The following ENTHD1 variants were observed in gnomAD, a reference collection of about 807,000 sequenced individuals.
The protein encoded by ENTHD1 is ENTH domain-containing protein 1.
Under a neutral mutation model 39.1 loss-of-function variants are expected in ENTHD1, and 23 were observed. The observed-to-expected ratio is 0.59, with a 90% CI of 0.42 to 0.83. The LOEUF (loss-of-function observed/expected upper bound fraction) is 0.83. Ranked by LOEUF, ENTHD1 falls within the 40% of genes least tolerant of loss-of-function variation. The pLI is 0.00. For missense variants in ENTHD1, 624 were observed against 705.4 expected (o/e 0.88, Z 1.31); for synonymous variants, 230 against 258.2 (o/e 0.89, Z 1.05).
At chr22:39,835,658 A>G (rs1287956998) in intron 4 of ENTHD1, among the ~76,000 whole-genome samples, 182 bp downstream of exon 4, 1 of 152,186 alleles carries the variant, frequency 6.6e-6, no homozygotes, top group Non-Finnish European at 1.5e-5. Context: ...AAAAACCCAA[A>G]ACATAAAAAC....
At chr22:39,756,259 A>G (rs2065183186) in intron 6 of ENTHD1, among the ~76,000 whole-genome samples, 1 of 151,812 alleles carries the variant, frequency 6.6e-6, no homozygotes, top group South Asian at 2.1e-4. Flanking sequence ...AGAATTTGTT[A>G]AATGTTGTTA....
chr22:39,850,040 G>A (rs569251726), intron 3 of ENTHD1, among the ~76,000 whole-genome samples: 2 of 151,858 alleles, frequency 1.3e-5, no homozygotes, highest in Non-Finnish European at 1.5e-5. Context: ...ATGGTATTTT[G>A]GTAAGAAAAC....
intron 3 of ENTHD1, 73 bp from the exon 4 acceptor site, chr22:39,836,031 G>A: frequency 2.6e-6 from 3 of 1,141,966 alleles, no homozygotes; most frequent in Middle Eastern, 2.0e-4. Flanking sequence ...TTCCCAATTT[G>A]TAAGTTAATC....
intron 6 of ENTHD1, among the ~76,000 whole-genome samples, chr22:39,745,928 T>C (rs2065101163): frequency 6.6e-6 from 1 of 152,118 alleles, no homozygotes; most frequent in Non-Finnish European, 1.5e-5. Context: ...ATGTAACCTG[T>C]TTTATCTCTG....
At chr22:39,782,229 A>G (rs1321968647) in intron 5 of ENTHD1, among the ~76,000 whole-genome samples, 1 of 152,080 alleles carries the variant, frequency 6.6e-6, no homozygotes, top group Non-Finnish European at 1.5e-5. Context: ...AAAAGTTGCA[A>G]TGGGCTGAGA....
intron 3 of ENTHD1, among the ~76,000 whole-genome samples, chr22:39,848,228 T>G (rs1267950535): frequency 2.6e-5 from 4 of 152,098 alleles, no homozygotes; most frequent in Non-Finnish European, 5.9e-5. Flanking sequence ...TAGAGAAAAC[T>G]CTCTGCTTTT....
chr22:39,846,679 C>T (rs1292733237), intron 3 of ENTHD1, among the ~76,000 whole-genome samples: 2 of 152,028 alleles, frequency 1.3e-5, no homozygotes, highest in African/African-American at 4.8e-5. Flanking sequence ...CTACAATGAA[C>T]TCAAACAAAT....
chr22:39,849,013 T>C (rs1050379649), intron 3 of ENTHD1, among the ~76,000 whole-genome samples: 5 of 152,190 alleles, frequency 3.3e-5, no homozygotes, highest in African/African-American at 9.7e-5. Flanking sequence ...ACTGATTCCA[T>C]AGTGGCCCAG....
At chr22:39,746,485 T>G (rs996114640) in intron 6 of ENTHD1, among the ~76,000 whole-genome samples, 2 of 152,206 alleles carry the variant, frequency 1.3e-5, no homozygotes, top group African/African-American at 2.4e-5. Context: ...TGTTTTATAT[T>G]AGAAGTTTTC....
chr22:39,883,200 G>A (rs2066353839), intron 2 of ENTHD1, among the ~76,000 whole-genome samples: 1 of 151,332 alleles, frequency 6.6e-6, no homozygotes, highest in African/African-American at 2.4e-5. Flanking sequence ...TGACATTTCA[G>A]TTCTAACTTG....
At chr22:39,746,330 G>C (rs1299593360) in intron 6 of ENTHD1, among the ~76,000 whole-genome samples, 3 of 151,630 alleles carry the variant, frequency 2.0e-5, no homozygotes, top group Non-Finnish European at 4.4e-5. Context: ...TTGGTTTTCA[G>C]AAATTCTTTT....
At chr22:39,841,659 C>T (rs2146686455) in intron 3 of ENTHD1, among the ~76,000 whole-genome samples, 1 of 150,824 alleles carries the variant, frequency 6.6e-6, no homozygotes, top group South Asian at 2.1e-4. Context: ...TTCCTGAATA[C>T]AGCACACTGA....
intron 5 of ENTHD1, among the ~76,000 whole-genome samples, chr22:39,783,101 T>C (rs952250759): frequency 2.6e-5 from 4 of 152,142 alleles, no homozygotes; most frequent in Non-Finnish European, 5.9e-5. Context: ...AAAATCAACA[T>C]ACAAAATTCA....
intron 2 of ENTHD1, among the ~76,000 whole-genome samples, chr22:39,885,324 T>C (rs1458854719): frequency 6.6e-6 from 1 of 152,164 alleles, no homozygotes; most frequent in Non-Finnish European, 1.5e-5. Flanking sequence ...AGGATAGCTA[T>C]AATCAACAAC....
intron 6 of ENTHD1, among the ~76,000 whole-genome samples, chr22:39,747,651 G>A (rs919231387): frequency 6.6e-6 from 1 of 152,048 alleles, no homozygotes; most frequent in African/African-American, 2.4e-5. Flanking sequence ...GAAAAGAGAT[G>A]GTAGAAGGAT....
intron 5 of ENTHD1, among the ~76,000 whole-genome samples, chr22:39,811,050 C>T (rs527623928): frequency 6.6e-6 from 1 of 152,300 alleles, no homozygotes; most frequent in South Asian, 2.1e-4. Flanking sequence ...ACTCTTGATG[C>T]TACATGTATG....
intron 2 of ENTHD1, chr22:39,874,531 T>C (rs2146751005): frequency 6.6e-6 from 1 of 152,300 alleles, no homozygotes; most frequent in Non-Finnish European, 1.5e-5. Flanking sequence ...GACAAACTTC[T>C]ACTCATCATA....
intron 4 of ENTHD1, among the ~76,000 whole-genome samples, chr22:39,831,182 C>T (rs2065865508): frequency 6.6e-6 from 1 of 152,166 alleles, no homozygotes; most frequent in Non-Finnish European, 1.5e-5. Context: ...CAGTCACAGC[C>T]TGGGGTTGTG....
chr22:39,843,281 TA>T (rs1318549712), intron 3 of ENTHD1, among the ~76,000 whole-genome samples: 1 of 152,074 alleles, frequency 6.6e-6, no homozygotes, highest in African/African-American at 2.4e-5. Flanking sequence ...TATGCAGCCA[TA>T]AAAAATGATG....
Sources: gnomAD v4.1 joint callset for allele counts (sites outside exome capture counted in the v4.1 genomes callset) on GRCh38, gnomAD v4.1.1 for gene constraint, MANE v1.5 for transcripts, NCBI Gene and HGNC (gene_info 2026-07-23, HGNC 2026-07-21) for gene names.